ITK: variants seen among roughly 807,000 people sequenced by gnomAD.
ITK encodes IL2 inducible T cell kinase, also known as tyrosine-protein kinase ITK/TSK.
A neutral mutation model predicts 87.6 loss-of-function variants in ITK; 45 were observed. That is an observed-to-expected ratio of 0.51 (90% CI 0.40 to 0.66). ITK has a LOEUF of 0.66. Among genes scored for constraint, ITK ranks in the 30% least tolerant of loss-of-function variants. ITK has a pLI of 0.00. For synonymous variants in ITK, 303 were observed against 273.6 expected (o/e 1.11, Z -1.06); for missense variants, 605 against 766.3 (o/e 0.79, Z 2.48).
At chr5:157,250,050 C>A (rs575297039) in intron 16 of ITK, among the ~76,000 whole-genome samples, 1 of 152,296 alleles carries the variant, frequency 6.6e-6, no homozygotes, top group Admixed American at 6.5e-5. Flanking sequence ...ACATTTGTTA[C>A]AATTAGTGAA....
chr5:157,187,685 C>T (rs1753673464), intron 1 of ITK, among the ~76,000 whole-genome samples: 1 of 152,118 alleles, frequency 6.6e-6, no homozygotes, highest in Non-Finnish European at 1.5e-5. Context: ...GCAGGAGGGC[C>T]GGGTCCCAGC....
At position 157,251,699 on chromosome 5, in the gene ITK, GA is replaced by G. The variant is rs551579017; in HGVS notation, c.1792-907del. On this transcript the variant is annotated intron_variant, in intron 16 of 16. Coordinates refer to ENST00000422843, the MANE Select transcript of ITK (RefSeq NM_005546.4). The stretch of plus-strand genomic sequence containing the variant: ...TTTTCCTGAAAGGTGTCAGGTCTGT[GA>G]CTAGAGTCATTGTTTTACATATGGA... Among the ~76,000 whole-genome samples, 591 of 152,328 alleles carry G rather than the reference GA, an allele frequency of 3.9e-3. 4 individuals are homozygous for G. The highest frequency in any genetic ancestry group is 0.014 in the African/African-American group (567 of 41,588).
intron 6 of ITK, among the ~76,000 whole-genome samples, chr5:157,225,481 G>C (rs1158432357): frequency 3.3e-5 from 5 of 152,002 alleles, no homozygotes; most frequent in Admixed American, 2.6e-4. Flanking sequence ...AAAAAAAAGA[G>C]GGGCACAAAT....
chr5:157,198,550 G>GCCT (rs1178173862), intron 1 of ITK, among the ~76,000 whole-genome samples: 2 of 152,126 alleles, frequency 1.3e-5, no homozygotes, highest in African/African-American at 4.8e-5. Context: ...GGTGTGGGAT[G>GCCT]GATCAGTTTC....
chr5:157,213,630 C>A, intron 3 of ITK: 4 of 446,238 alleles, frequency 9.0e-6, no homozygotes, highest in Non-Finnish European at 1.8e-5. Flanking sequence ...GATCCTCTTG[C>A]CTCGGCCTAC....
At chr5:157,204,075 A>G (rs1382354967) in intron 1 of ITK, among the ~76,000 whole-genome samples, 2 of 152,200 alleles carry the variant, frequency 1.3e-5, no homozygotes, top group African/African-American at 4.8e-5. Context: ...CACCATCACT[A>G]TCACAGCTCA....
At chr5:157,226,443 G>A (rs1754532882) in intron 6 of ITK, among the ~76,000 whole-genome samples, 1 of 152,174 alleles carries the variant, frequency 6.6e-6, no homozygotes, top group Non-Finnish European at 1.5e-5. Flanking sequence ...CATAATTAAG[G>A]GAATTCCAAG....
At chr5:157,189,650 C>A (rs1243584284) in intron 1 of ITK, among the ~76,000 whole-genome samples, 2 of 152,126 alleles carry the variant, frequency 1.3e-5, no homozygotes, top group Admixed American at 1.3e-4. Flanking sequence ...CACTGCACTC[C>A]AGCCTGGGCG....
chr5:157,230,511 T>C (rs1462862869), intron 7 of ITK, among the ~76,000 whole-genome samples: 1 of 152,216 alleles, frequency 6.6e-6, no homozygotes, highest in East Asian at 1.9e-4. Flanking sequence ...CTGGAGTCTC[T>C]CAACCTTGTT....
chr5:157,198,738 G>T (rs1012751751), intron 1 of ITK, among the ~76,000 whole-genome samples: 7 of 152,162 alleles, frequency 4.6e-5, no homozygotes, highest in African/African-American at 1.4e-4. Flanking sequence ...TTTCCATAGA[G>T]ACAGTAATGA....
intron 8 of ITK, among the ~76,000 whole-genome samples, chr5:157,236,733 C>T (rs1754783102): frequency 6.6e-6 from 1 of 151,972 alleles, no homozygotes; most frequent in African/African-American, 2.4e-5. Context: ...TTTTAATTTC[C>T]ACCAAGAATG....
intron 5 of ITK, among the ~76,000 whole-genome samples, chr5:157,219,581 A>G (rs1754371554): frequency 6.6e-6 from 1 of 152,202 alleles, no homozygotes; most frequent in South Asian, 2.1e-4. Flanking sequence ...AGGAAGCTCT[A>G]AATCCTCAAA....
At chr5:157,249,918 C>T (rs1387653465) in intron 16 of ITK, among the ~76,000 whole-genome samples, 1 of 152,076 alleles carries the variant, frequency 6.6e-6, no homozygotes, top group Non-Finnish European at 1.5e-5. Context: ...CCTCTTTTAA[C>T]CATCATTTAT....
rs548386767 is a variant in ITK at position 157,217,529 on chromosome 5, C to T, written c.455-338C>T. 2.9e-4 allele frequency among the ~76,000 whole-genome samples: 44 copies of T among 152,196 alleles called. No individual in the cohort carries two copies. The East Asian group carries it at 7.6e-3, about 26-fold the overall frequency. On this transcript the variant is annotated intron_variant, in intron 4 of 16. Coordinates refer to ENST00000422843, the MANE Select transcript of ITK (RefSeq NM_005546.4). ...GCTTAGCAGGTGGCAGAGACATTCC[C>T]GGAAGTCTCTATGCCTACAGGGAAG... is the stretch of plus-strand genomic sequence containing the variant.
chr5:157,233,586 C>T (rs1197518611), intron 8 of ITK, among the ~76,000 whole-genome samples: 1 of 152,088 alleles, frequency 6.6e-6, no homozygotes, highest in African/African-American at 2.4e-5. Flanking sequence ...AGTGTTAGTT[C>T]CCGGGAATCT....
At chr5:157,246,994 A>T (rs1477259586) in intron 15 of ITK, among the ~76,000 whole-genome samples, 1 of 152,228 alleles carries the variant, frequency 6.6e-6, no homozygotes, top group Non-Finnish European at 1.5e-5. Context: ...TGCATACTAA[A>T]GTGTGCAAAA....
At chr5:157,245,596 AAGC>A in intron 13 of ITK, 127 bp from the exon 14 acceptor site, 1 of 765,636 alleles carries the variant, frequency 1.3e-6, no homozygotes, top group East Asian at 2.6e-5. Flanking sequence ...AACATTTGTA[AAGC>A]TCCATGATGC....
intron 1 of ITK, among the ~76,000 whole-genome samples, chr5:157,208,529 A>G (rs1409321890): frequency 2.0e-5 from 3 of 152,216 alleles, no homozygotes; most frequent in South Asian, 2.1e-4. Context: ...ATGGTCATGG[A>G]TAGACACAGA....
intron 2 of ITK, among the ~76,000 whole-genome samples, chr5:157,210,253 G>T (rs1052864907): frequency 6.6e-6 from 1 of 152,072 alleles, no homozygotes; most frequent in African/African-American, 2.4e-5. Context: ...GGCACTTCTG[G>T]CTTCAAAGGC....
Sources: allele counts gnomAD v4.1 joint callset (sites outside exome capture counted in the v4.1 genomes callset), GRCh38; gene constraint gnomAD v4.1.1; transcripts MANE v1.5; gene names NCBI Gene and HGNC (gene_info 2026-07-23, HGNC 2026-07-21).